The following DNAJC10 variants were observed in gnomAD, a reference collection of about 807,000 sequenced individuals.
DNAJC10 encodes the protein endoplasmic reticulum disulfide reductase DNAJC10.
A neutral mutation model predicts 115.0 loss-of-function variants in DNAJC10; 101 were observed. The observed-to-expected ratio is 0.88, with a 90% CI of 0.75 to 1.04. DNAJC10 has a LOEUF of 1.04. Among genes scored for constraint, DNAJC10 ranks in the 50% least tolerant of loss-of-function variants. The pLI is 0.00. For missense variants in DNAJC10, 981 were observed against 928.8 expected, an observed-to-expected ratio of 1.06 and a Z score of -0.73; for synonymous variants, 307 against 301.5, an observed-to-expected ratio of 1.02 and a Z score of -0.19.
chr2:182,764,034 CAA>C (rs949440987), intron 22 of DNAJC10, among the ~76,000 whole-genome samples: 9 of 152,084 alleles, frequency 5.9e-5, no homozygotes, highest in African/African-American at 1.7e-4. Flanking sequence ...AATTTACACT[CAA>C]GAGTGGAAAT....
intron 17 of DNAJC10, among the ~76,000 whole-genome samples, chr2:182,755,724 A>G (rs1022536301): frequency 6.6e-6 from 1 of 152,202 alleles, no homozygotes; most frequent in African/African-American, 2.4e-5. Flanking sequence ...AATGTCAGAA[A>G]AATGAGATAG....
In DNAJC10 at chr2:182,755,123, T is replaced by A. The variant is rs1694124613; in HGVS notation, c.1653+19T>A. ...CATAGAGGTATTTCAGATTATAGAC[T>A]ATGTGACTAGAAATTTGTCTGTTTC... On this transcript the variant is annotated intron_variant, in intron 17 of 23. Transcript: ENST00000264065. 1 of 1,437,360 alleles carries A rather than the reference T, an allele frequency of 7.0e-7. No homozygotes were observed. Among genetic ancestry groups the A allele is most frequent in the African/African-American group, 1.4e-5 (1 of 71,256 alleles). The allele number at this position is 1,437,360 out of a possible 1,614,324, so 89.0% of individuals were successfully genotyped here. A position where few individuals can be genotyped will look rare whatever the true frequency, so the allele number is the denominator to read the frequency against.
intron 22 of DNAJC10, among the ~76,000 whole-genome samples, chr2:182,772,742 T>C (rs1183514957): frequency 1.3e-5 from 2 of 152,210 alleles, no homozygotes; most frequent in African/African-American, 4.8e-5. Context: ...TCTTTGCACA[T>C]GAGATGGGTC....
chr2:182,748,521 G>T (rs1322962464), intron 14 of DNAJC10, among the ~76,000 whole-genome samples: 5 of 152,186 alleles, frequency 3.3e-5, no homozygotes, highest in Admixed American at 1.3e-4. Flanking sequence ...TTTGCGTAGA[G>T]GTGTTTGTAG....
At position 182,790,859 on chromosome 2, in the gene DNAJC10, A is replaced by C. The variant is rs561505821; in HGVS notation, c.*13727A>C. ...ACACTAAAATCAAATAACCTTACTT[A>C]TCAGTTACATTGCCTACTAAGCTGA... On this transcript the variant is annotated 3_prime_UTR_variant, in exon 24 of 24. Coordinates refer to ENST00000264065, the MANE Select transcript of DNAJC10 (RefSeq NM_018981.4). The C allele has an allele frequency of 2.6e-5, 4 of 151,730 alleles. No homozygotes were observed. In the East Asian group the frequency reaches 7.7e-4, roughly 29 times the overall value. The allele number at this position is 151,730 out of a possible 1,614,324, so 9.4% of individuals were successfully genotyped here.
chr2:182,730,029 T>C lies in DNAJC10; in HGVS notation c.727+88T>C, dbSNP rs962653142. 8.3e-5 allele frequency: 69 copies of C among 835,566 alleles called. No homozygotes were observed. In the Admixed American group the frequency reaches 1.3e-3, roughly 16 times the overall value. 51.8% of individuals were successfully genotyped at this position (835,566 alleles called of 1,614,324 possible). On this transcript the variant is annotated intron_variant, in intron 8 of 23. Coordinates refer to ENST00000264065, the MANE Select transcript of DNAJC10 (RefSeq NM_018981.4). ...AATGGCAATATTAACATTTTGGTCA[T>C]GGTATTGAAATTTTAAAGTGTCTTT... is the stretch of plus-strand genomic sequence containing the variant.
At chr2:182,746,575 G>T (rs1418999072) in intron 14 of DNAJC10, among the ~76,000 whole-genome samples, 1 of 151,950 alleles carries the variant, frequency 6.6e-6, no homozygotes, top group East Asian at 1.9e-4. Context: ...ACTTTTTGAT[G>T]GGGTTGTTTT....
At chr2:182,730,493 T>C (rs1237716904) in intron 8 of DNAJC10, 1 of 431,124 alleles carries the variant, frequency 2.3e-6, no homozygotes, top group East Asian at 7.3e-5. Flanking sequence ...AGGAAAACAT[T>C]AGTAAACAAT....
intron 21 of DNAJC10, 70 bp from the exon 22 acceptor site, chr2:182,762,612 C>A: frequency 6.8e-7 from 1 of 1,480,414 alleles, no homozygotes; most frequent in Non-Finnish European, 9.3e-7. Context: ...GTTTTATATC[C>A]TATTGCTTTG....
At chr2:182,757,606 T>C in intron 18 of DNAJC10, 86 bp from the exon 19 acceptor site, 8 of 1,050,300 alleles carry the variant, frequency 7.6e-6, no homozygotes, top group African/African-American at 1.6e-5. Flanking sequence ...ATATAATAAC[T>C]GTTTCACCAT....
At chr2:182,743,303 T>C (rs1480527346) in intron 13 of DNAJC10, among the ~76,000 whole-genome samples, 1 of 152,242 alleles carries the variant, frequency 6.6e-6, no homozygotes, top group Non-Finnish European at 1.5e-5. Context: ...CTCCTCTATC[T>C]CAAGATTATA....
chr2:182,751,734 A>G lies in DNAJC10; in HGVS notation c.1383A>G (p.Gln461=), dbSNP rs2304603. The G allele has an allele frequency of 1.8e-5, 29 of 1,614,002 alleles. No homozygotes were observed. In the East Asian group the frequency reaches 5.8e-4, roughly 32 times the overall value. ...CTCATGTTACCACGCTTGGACCTCA[A>G]AATTTTCCTGCCAATGACAAAGAAC... ...VNSHVTTLGP[Q]NFPANDKEPW... The change falls in exon 15 of 24, where the codon CAA becomes CAG. Residue 461 remains glutamine, a synonymous_variant. Transcript: ENST00000264065.
At chr2:182,776,989 C>G (rs1694723235) in intron 23 of DNAJC10, 132 bp from the exon 24 acceptor site, 2 of 530,422 alleles carry the variant, frequency 3.8e-6, no homozygotes, top group Non-Finnish European at 6.3e-6. Context: ...TATTTCATGT[C>G]ATGATCCATT....
rs1316763222 is a variant in DNAJC10, at chr2:182,784,309, G to A, written c.*7177G>A. On this transcript the variant is annotated 3_prime_UTR_variant, in exon 24 of 24. Transcript: ENST00000264065. ...ACTGCCCTCCAGCCTGGGTGACGGA[G>A]TAAGACCCTGTCTAAAAAAAAACAA... is the stretch of plus-strand genomic sequence containing the variant. The A allele has an allele frequency of 6.6e-6, 1 of 151,942 alleles. No homozygotes were observed. Among genetic ancestry groups the A allele is most frequent in the Non-Finnish European group, 1.5e-5 (1 of 68,022 alleles). 9.4% of individuals were successfully genotyped at this position (151,942 alleles called of 1,614,324 possible).
chr2:182,725,461 A>T (rs1285842133), intron 5 of DNAJC10, among the ~76,000 whole-genome samples: 1 of 152,324 alleles, frequency 6.6e-6, no homozygotes, highest in East Asian at 1.9e-4. Context: ...AAAGTTCTTC[A>T]TGGAAAGTAA....
Position 182,788,509 on chromosome 2 carries a change from CAA to C in DNAJC10, c.*11380_*11381del, listed in dbSNP as rs2105728841. The C allele has an allele frequency of 5.1e-6, 1 of 197,632 alleles. No individual in the cohort carries two copies. The highest frequency in any genetic ancestry group is 1.6e-4 in the East Asian group (1 of 6,272). The allele number at this position is 197,632 out of a possible 1,614,324, so 12.2% of individuals were successfully genotyped here. On this transcript the variant is annotated 3_prime_UTR_variant, in exon 24 of 24. Transcript: ENST00000264065. ...AAATAGGAGAAAATGGGAGTAAAAA[CAA>C]AATGTATAAAAAGTATTAAAATTTG...
At chr2:182,751,421 A>G (rs1167737489) in intron 14 of DNAJC10, among the ~76,000 whole-genome samples, 1 of 152,052 alleles carries the variant, frequency 6.6e-6, no homozygotes, top group African/African-American at 2.4e-5. Context: ...GGCGTGAGCC[A>G]CTGCACCTGG....
chr2:182,758,461 C>T (rs899489512), intron 19 of DNAJC10, among the ~76,000 whole-genome samples: 2 of 152,138 alleles, frequency 1.3e-5, no homozygotes, highest in African/African-American at 4.8e-5. Context: ...TGAAAGGCTG[C>T]ATTTTGTAGG....
chr2:182,769,871 G>T lies in DNAJC10; in HGVS notation c.2266-5445G>T, dbSNP rs185105359. On this transcript the variant is annotated intron_variant, in intron 22 of 23. Transcript: ENST00000264065. ...GGCTTTTGTTGCCATTGCTTTTGGT[G>T]TTTTCGTCATGAAGTCCTTGCCCAT... Among the ~76,000 whole-genome samples, 5 of 152,278 alleles carry T rather than the reference G, an allele frequency of 3.3e-5. No homozygotes were observed. In the East Asian group the frequency reaches 9.7e-4, roughly 29 times the overall value.
Sources: gnomAD v4.1 joint callset for allele counts (sites outside exome capture counted in the v4.1 genomes callset) on GRCh38, gnomAD v4.1.1 for gene constraint, MANE v1.5 for transcripts, NCBI Gene and HGNC (gene_info 2026-07-23, HGNC 2026-07-21) for gene names.